Variants in OPHN1 observed in about 807,000 individuals in gnomAD.
OPHN1 encodes oligophrenin 1.
OPHN1 carries 11 observed loss-of-function variants against 60.7 expected under a neutral mutation model. That is an observed-to-expected ratio of 0.18 (90% CI 0.11 to 0.30). The LOEUF (loss-of-function observed/expected upper bound fraction) is 0.30. Ranked by LOEUF, OPHN1 falls within the 10% of genes least tolerant of loss-of-function variation. OPHN1 has a pLI of 1.00. For synonymous variants in OPHN1, 226 were observed against 222.6 expected, an observed-to-expected ratio of 1.02 and a Z score of -0.14; for missense variants, 449 against 611.0, an observed-to-expected ratio of 0.73 and a Z score of 2.80.
chrX:68,415,120 G>A (rs2078787692), intron 2 of OPHN1, among the ~76,000 whole-genome samples: 1 of 111,192 alleles, frequency 9.0e-6, no homozygotes, highest in East Asian at 2.8e-4. Flanking sequence ...CAGAGGAGTT[G>A]ACTCCATGAC....
intron 15 of OPHN1, among the ~76,000 whole-genome samples, chrX:68,121,477 A>T (rs973143204): frequency 1.9e-4 from 21 of 111,721 alleles, no homozygotes; most frequent in Admixed American, 6.7e-4. Flanking sequence ...AACTCAGCTA[A>T]GGACAACCCA....
At chrX:68,207,290 G>A (rs747073333) in intron 9 of OPHN1, among the ~76,000 whole-genome samples, 105 of 108,288 alleles carry the variant, frequency 9.7e-4, no homozygotes, top group Middle Eastern at 4.7e-3. Flanking sequence ...CACCACGCCC[G>A]GCTAACTTTT....
intron 2 of OPHN1, among the ~76,000 whole-genome samples, chrX:68,337,703 C>T (rs925962504): frequency 1.2e-4 from 12 of 103,438 alleles, no homozygotes; most frequent in African/African-American, 4.3e-4. Flanking sequence ...ACACATCTCA[C>T]ATTCAAAGAC....
intron 20 of OPHN1, among the ~76,000 whole-genome samples, chrX:68,069,268 AC>A (rs1312908558): frequency 9.0e-6 from 1 of 111,503 alleles, no homozygotes; most frequent in Non-Finnish European, 1.9e-5. Flanking sequence ...CATTTTTTGC[AC>A]TCATTTATTA....
chrX:68,222,954 A>G (rs1483729148), intron 6 of OPHN1, among the ~76,000 whole-genome samples: 1 of 110,937 alleles, frequency 9.0e-6, no homozygotes, highest in Admixed American at 9.6e-5. Flanking sequence ...AATAAATAAA[A>G]AGAAAAAAAA....
Position 68,388,742 on chromosome X carries a change from A to T in OPHN1, c.154+44125T>A, listed in dbSNP as rs766158564. 1.5e-4 allele frequency among the ~76,000 whole-genome samples: 17 copies of T among 111,387 alleles called. No individual in the cohort carries two copies. In the South Asian group the frequency reaches 6.4e-3, roughly 42 times the overall value. ...GGAAGGAACTAGGTGAGGGGCATAG[A>T]TATAACAGATTGAAGCTGGGTATGG... On this transcript the variant is annotated intron_variant, in intron 2 of 24. Coordinates refer to ENST00000355520, the MANE Select transcript of OPHN1 (RefSeq NM_002547.3).
At chrX:68,115,696 G>C (rs924739551) in intron 16 of OPHN1, among the ~76,000 whole-genome samples, 9 of 111,819 alleles carry the variant, frequency 8.0e-5, no homozygotes, top group African/African-American at 2.9e-4. Context: ...AGTTAAGAAG[G>C]AACTGGGGAG....
rs1259268144 is a variant in OPHN1 at position 68,045,667 on chromosome X, G to A, written c.*1505C>T. 2 of 112,104 alleles carry A rather than the reference G, an allele frequency of 1.8e-5. No homozygotes were observed. Among genetic ancestry groups the A allele is most frequent in the African/African-American group, 3.2e-5 (1 of 30,828 alleles). 9.2% of individuals were successfully genotyped at this position (112,104 alleles called of 1,213,427 possible). Reference sequence around the variant, plus strand: ...CCTTCAACAAACAGGAATTAGAAATGTCCATTCCTCAGATTTCTGCCCCAT... The same window carrying A: ...CCTTCAACAAACAGGAATTAGAAATATCCATTCCTCAGATTTCTGCCCCAT... On this transcript the variant is annotated 3_prime_UTR_variant, in exon 25 of 25. Coordinates refer to ENST00000355520, the MANE Select transcript of OPHN1 (RefSeq NM_002547.3).
rs201193880 is a variant in OPHN1, at chrX:68,100,288, TAC to T, written c.1527-3261_1527-3260del. On this transcript the variant is annotated intron_variant, in intron 18 of 24. Coordinates refer to ENST00000355520, the MANE Select transcript of OPHN1 (RefSeq NM_002547.3). ...ACACGCACACACACGCACACACACA[TAC>T]ACACACACACACCCCAGAAACACAA... is the stretch of plus-strand genomic sequence containing the variant. Among the ~76,000 whole-genome samples, 864 of 108,646 alleles carry T rather than the reference TAC, an allele frequency of 8.0e-3. 12 individuals are homozygous for T. The highest frequency in any genetic ancestry group is 0.028 in the African/African-American group (823 of 29,885). 94.3% of individuals were successfully genotyped at this position (108,646 alleles called of 115,157 possible).
chrX:68,337,674 T>C (rs751331868), intron 2 of OPHN1, among the ~76,000 whole-genome samples: 8 of 109,208 alleles, frequency 7.3e-5, no homozygotes, highest in Admixed American at 5.1e-4. Flanking sequence ...AAGAGACAAC[T>C]ATATGCAGTC....
intron 15 of OPHN1, among the ~76,000 whole-genome samples, chrX:68,177,130 C>G (rs1269818041): frequency 4.5e-5 from 5 of 110,080 alleles, no homozygotes; most frequent in African/African-American, 1.6e-4. Flanking sequence ...AAGACAAATA[C>G]AGTTTGATTT....
intron 2 of OPHN1, among the ~76,000 whole-genome samples, chrX:68,397,218 G>GT (rs937598591): frequency 8.9e-5 from 10 of 111,855 alleles, no homozygotes; most frequent in African/African-American, 2.9e-4. Flanking sequence ...TCCTTTGGTT[G>GT]TTTTTTCCAT....
intron 15 of OPHN1, among the ~76,000 whole-genome samples, chrX:68,149,554 C>T (rs2077276759): frequency 9.0e-6 from 1 of 111,323 alleles, no homozygotes; most frequent in Middle Eastern, 4.7e-3. Flanking sequence ...AGATGCTTGA[C>T]ATTAATCTGT....
chrX:68,358,029 G>C (rs991539769), intron 2 of OPHN1, among the ~76,000 whole-genome samples: 13 of 108,656 alleles, frequency 1.2e-4, no homozygotes, highest in Admixed American at 2.0e-4. Flanking sequence ...AGTGGCTCAC[G>C]CGTATAATCC....
At chrX:68,137,320 T>C (rs994530517) in intron 15 of OPHN1, among the ~76,000 whole-genome samples, 8 of 111,919 alleles carry the variant, frequency 7.1e-5, no homozygotes, top group Non-Finnish European at 1.5e-4. Context: ...TTAACAAATG[T>C]GTACCTGTCT....
chrX:68,359,004 A>G (rs1181102095), intron 2 of OPHN1, among the ~76,000 whole-genome samples: 2 of 111,901 alleles, frequency 1.8e-5, no homozygotes, highest in Non-Finnish European at 3.8e-5. Flanking sequence ...CCTGGTCTAC[A>G]GTTTGGAAAA....
rs191234540 is a variant in OPHN1 at position 68,266,552 on chromosome X, C to T, written c.384+8186G>A. On this transcript the variant is annotated intron_variant, in intron 5 of 24. Coordinates refer to ENST00000355520, the MANE Select transcript of OPHN1 (RefSeq NM_002547.3). ...AGCACTAAACATGGAAAGGAACAAC[C>T]GGTACCAGCCACTGCAAAAACATGC... Among the ~76,000 whole-genome samples the T allele has an allele frequency of 3.4e-3, 376 of 111,451 alleles. 5 individuals are homozygous for T. Among genetic ancestry groups the T allele is most frequent in the East Asian group, 0.029 (101 of 3,512 alleles).
chrX:68,079,953 C>T (rs2076968298), intron 19 of OPHN1, among the ~76,000 whole-genome samples: 1 of 111,507 alleles, frequency 9.0e-6, no homozygotes, highest in Admixed American at 9.5e-5. Flanking sequence ...CTACCACTGA[C>T]TTGGTTGAGT....
chrX:68,112,014 G>T, intron 17 of OPHN1, 55 bp from the exon 18 acceptor site: 1 of 736,231 alleles, frequency 1.4e-6, no homozygotes. Flanking sequence ...ACTGGATTGA[G>T]CAAAATTCTC....
Sources: allele counts gnomAD v4.1 joint callset (sites outside exome capture counted in the v4.1 genomes callset), GRCh38; gene constraint gnomAD v4.1.1; transcripts MANE v1.5; gene names NCBI Gene and HGNC (gene_info 2026-07-23, HGNC 2026-07-21).